The following TMCC3 variants were observed in gnomAD, a reference collection of about 807,000 sequenced individuals.
TMCC3 encodes the protein transmembrane and coiled-coil domain family 3.
TMCC3 carries 28 observed loss-of-function variants against 40.2 expected under a neutral mutation model. That is an observed-to-expected ratio of 0.70 (90% CI 0.52 to 0.95). The LOEUF (loss-of-function observed/expected upper bound fraction) is 0.95, where lower values mean the gene tolerates loss of function less well. Ranked by LOEUF, TMCC3 falls within the 40% of genes least tolerant of loss-of-function variation. The pLI is 0.00. For missense variants in TMCC3, 554 were observed against 615.2 expected, an observed-to-expected ratio of 0.90 and a Z score of 1.05; for synonymous variants, 255 against 248.5, an observed-to-expected ratio of 1.03 and a Z score of -0.25.
rs543907554 is a variant in TMCC3 at position 94,568,703 on chromosome 12, A to C, written c.*2732T>G. ...CTGCAGAGATTAAAAGTTTCCTTCG[A>C]GTGTATCATCTTATTAAAAAGTACA... On this transcript the variant is annotated 3_prime_UTR_variant, in exon 4 of 4. Transcript: ENST00000261226. The C allele has an allele frequency of 5.3e-5, 8 of 152,356 alleles. No homozygotes were observed. In the South Asian group the frequency reaches 8.3e-4, roughly 16 times the overall value. The allele number at this position is 152,356 out of a possible 1,614,324, so 9.4% of individuals were successfully genotyped here. A position where few individuals can be genotyped will look rare whatever the true frequency, so the allele number is the denominator to read the frequency against.
At chr12:94,636,381 A>G (rs1016057910) in intron 1 of TMCC3, among the ~76,000 whole-genome samples, 6 of 151,392 alleles carry the variant, frequency 4.0e-5, no homozygotes, top group African/African-American at 1.5e-4. Context: ...TCATGGCAAA[A>G]TATGGTTAGT....
chr12:94,580,705 A>C (rs1012267516), intron 2 of TMCC3, among the ~76,000 whole-genome samples: 2 of 152,208 alleles, frequency 1.3e-5, no homozygotes, highest in Non-Finnish European at 2.9e-5. Context: ...ACTGCACTCC[A>C]GCCTGGGAGA....
intron 1 of TMCC3, among the ~76,000 whole-genome samples, chr12:94,602,482 T>C (rs954316160): frequency 2.0e-5 from 3 of 152,234 alleles, no homozygotes; most frequent in African/African-American, 7.2e-5. Flanking sequence ...GAATAGGTTT[T>C]AATAAAAGAC....
intron 1 of TMCC3, among the ~76,000 whole-genome samples, chr12:94,605,600 C>T (rs1203219448): frequency 6.6e-6 from 1 of 152,098 alleles, no homozygotes; most frequent in Non-Finnish European, 1.5e-5. Context: ...GGCATTTTGC[C>T]TCATAAATAC....
At chr12:94,638,725 T>C (rs1452261878) in intron 1 of TMCC3, among the ~76,000 whole-genome samples, 1 of 152,246 alleles carries the variant, frequency 6.6e-6, no homozygotes, top group Non-Finnish European at 1.5e-5. Context: ...AATAGTACCC[T>C]GCTGACTATC....
rs1467855760 is a variant in TMCC3 at position 94,578,165 on chromosome 12, A to AAAAAAAAAAAG, written c.1131+228_1131+229insCTTTTTTTTTT. Among the ~76,000 whole-genome samples, 777 of 123,054 alleles carry AAAAAAAAAAAG rather than the reference A, an allele frequency of 6.3e-3. 27 individuals are homozygous for AAAAAAAAAAAG. The highest frequency in any genetic ancestry group is 0.01 in the African/African-American group (301 of 29,460). 80.7% of individuals were successfully genotyped at this position (123,054 alleles called of 152,430 possible). ...TCACCTCAAAAAAAAAAAAAAAAAA[A>AAAAAAAAAAAG]AAAGAAAAAGAAAAAGAAAAAAAAA... On this transcript the variant is annotated intron_variant, in intron 3 of 3. Coordinates refer to ENST00000261226, the MANE Select transcript of TMCC3 (RefSeq NM_020698.4).
chr12:94,589,390 C>G (rs2068658309), intron 1 of TMCC3, among the ~76,000 whole-genome samples: 1 of 152,180 alleles, frequency 6.6e-6, no homozygotes, highest in African/African-American at 2.4e-5. Flanking sequence ...TGAGGGGACC[C>G]AGGTTACGGT....
chr12:94,587,218 T>C (rs536844745), intron 1 of TMCC3, among the ~76,000 whole-genome samples: 3 of 152,338 alleles, frequency 2.0e-5, no homozygotes, highest in South Asian at 2.1e-4. Flanking sequence ...CTAGACTCAG[T>C]GTACACTGTG....
Position 94,582,188 on chromosome 12 carries a change from G to T in TMCC3, c.429C>A (p.Ile143=), listed in dbSNP as rs745556540. 46 of 1,613,946 alleles carry T rather than the reference G, an allele frequency of 2.9e-5. No individual in the cohort carries two copies. Among genetic ancestry groups the T allele is most frequent in the Non-Finnish European group, 3.3e-5 (39 of 1,180,004 alleles). Residue 143 remains isoleucine (I), a synonymous_variant, in exon 2 of 4, where the codon ATC becomes ATA. Coordinates refer to ENST00000261226, the MANE Select transcript of TMCC3 (RefSeq NM_020698.4). ...LEQYHRKLRE[I]EQNGASRSSK... ...AGCTCCTAGAGGCTCCATTCTGCTC[G>T]ATCTCTCTGAGCTTTCGATGATACT...
intron 1 of TMCC3, among the ~76,000 whole-genome samples, chr12:94,590,628 T>G (rs907028930): frequency 2.0e-5 from 3 of 152,158 alleles, no homozygotes; most frequent in African/African-American, 7.2e-5. Context: ...TGCCCTTCTC[T>G]GTGCTGGCTG....
intron 1 of TMCC3, among the ~76,000 whole-genome samples, chr12:94,614,786 G>C (rs1042557946): frequency 7.1e-6 from 1 of 140,584 alleles, no homozygotes; most frequent in Non-Finnish European, 1.5e-5. Context: ...TTTGGTTTGA[G>C]ACAGAGTCTC....
At position 94,571,344 on chromosome 12, in the gene TMCC3, G is replaced by T; in HGVS notation, c.*91C>A. The T allele has an allele frequency of 7.4e-7, 1 of 1,343,998 alleles. No homozygotes were observed. The highest frequency in any genetic ancestry group is 1.0e-6 in the Non-Finnish European group (1 of 973,676). 83.3% of individuals were successfully genotyped at this position (1,343,998 alleles called of 1,614,324 possible). ...CCTAGTTTTTCTTACACACGAGTCC[G>T]CACAATCATTCACTGTAAAATTTGG... is the stretch of plus-strand genomic sequence containing the variant. On this transcript the variant is annotated 3_prime_UTR_variant, in exon 4 of 4. Coordinates refer to ENST00000261226, the MANE Select transcript of TMCC3 (RefSeq NM_020698.4).
chr12:94,616,159 C>A, intron 1 of TMCC3: 1 of 902,076 alleles, frequency 1.1e-6, no homozygotes, highest in South Asian at 5.1e-5. Context: ...AATAATGCAC[C>A]GTATTCAACA....
intron 1 of TMCC3, among the ~76,000 whole-genome samples, chr12:94,583,918 C>T (rs1286857241): frequency 1.3e-5 from 2 of 152,182 alleles, no homozygotes. Flanking sequence ...ACTGAAGCAT[C>T]TCATTTGTCA....
Position 94,648,220 on chromosome 12 carries a change from TTTTATTTATTTATTTA to T in TMCC3, c.78+2117_78+2132del, listed in dbSNP as rs201121413. ...TACAATAACATTGTCAGTAGAATTG[TTTTATTTATTTATTTA>T]TTTATTTATTTATTTATTTAAAGAC... On this transcript the variant is annotated intron_variant, in intron 1 of 3. Coordinates refer to ENST00000261226, the MANE Select transcript of TMCC3 (RefSeq NM_020698.4). Among the ~76,000 whole-genome samples, 10 of 149,638 alleles carry T rather than the reference TTTTATTTATTTATTTA, an allele frequency of 6.7e-5. No homozygotes were observed. The East Asian group carries it at 1.9e-3, about 29-fold the overall frequency.
intron 1 of TMCC3, among the ~76,000 whole-genome samples, chr12:94,593,574 A>G (rs1023754069): frequency 9.2e-5 from 14 of 151,766 alleles, no homozygotes; most frequent in Non-Finnish European, 2.9e-5. Flanking sequence ...TTCATGGCCC[A>G]GTCCTTTCTC....
At chr12:94,588,581 T>A (rs185978118) in intron 1 of TMCC3, among the ~76,000 whole-genome samples, 1 of 152,346 alleles carries the variant, frequency 6.6e-6, no homozygotes, top group Admixed American at 6.5e-5. Flanking sequence ...TATTTCCAAG[T>A]ACATGTGAGT....
intron 1 of TMCC3, among the ~76,000 whole-genome samples, chr12:94,583,805 C>T (rs745804730): frequency 6.6e-6 from 1 of 152,176 alleles, no homozygotes; most frequent in South Asian, 2.1e-4. Context: ...TAACTGTAAC[C>T]CTCTTTCCAT....
chr12:94,597,120 A>AATATATATATATATATATATATATAT (rs768080145), intron 1 of TMCC3, among the ~76,000 whole-genome samples: 5 of 5,486 alleles, frequency 9.1e-4, no homozygotes, highest in African/African-American at 1.8e-3. Context: ...TCTCTATTAA[A>AATATATATATATATATATATATATAT]ATACATATAT....
Sources: allele counts gnomAD v4.1 joint callset (sites outside exome capture counted in the v4.1 genomes callset), GRCh38; gene constraint gnomAD v4.1.1; transcripts MANE v1.5; gene names NCBI Gene and HGNC (gene_info 2026-07-23, HGNC 2026-07-21).